The following ANXA8 variants were observed in gnomAD, a reference collection of about 807,000 sequenced individuals.
The protein encoded by ANXA8 is annexin A8, also known as VAC-beta.
In ANXA8, 9 loss-of-function variants were observed where a neutral mutation model predicts 26.8. The ratio of observed to expected loss-of-function variants is 0.34; its 90% CI spans 0.20 to 0.59. The LOEUF is 0.59. ANXA8 is among the 20% of genes least tolerant of loss of function. The pLI, the probability that ANXA8 is intolerant of heterozygous loss-of-function variation, is 0.84. For missense variants in ANXA8, 83 were observed against 238.5 expected (o/e 0.35, Z 4.29); for synonymous variants, 39 against 94.8 (o/e 0.41, Z 3.42).
the ANXA8 span, among the ~76,000 whole-genome samples, chr10:47,686,186 T>G: frequency 6.6e-6 from 1 of 151,348 alleles, no homozygotes; most frequent in African/African-American, 2.4e-5. Flanking sequence ...CTTCTAGAGA[T>G]GCTGTCCCTT....
At chr10:47,533,225 C>CACACACACACACA in the ANXA8 span, among the ~76,000 whole-genome samples, 28 of 98,586 alleles carry the variant, frequency 2.8e-4, no homozygotes, top group African/African-American at 9.6e-4. Flanking sequence ...ACACACACAC[C>CACACACACACACA]CCCGCAGACA....
At chr10:47,681,935 C>T in the ANXA8 span, among the ~76,000 whole-genome samples, 12 of 128,174 alleles carry the variant, frequency 9.4e-5, no homozygotes, top group African/African-American at 2.7e-4. Context: ...TTAGGCGTGA[C>T]ATTGGACAAA....
chr10:47,720,984 CAA>C, the ANXA8 span, among the ~76,000 whole-genome samples: 19 of 95,524 alleles, frequency 2.0e-4, no homozygotes, highest in Admixed American at 3.4e-4. Context: ...CCATCTCTAC[CAA>C]AAAAAAAAAA....
chr10:47,566,003 G>A, the ANXA8 span: 653 of 1,372,976 alleles, frequency 4.8e-4, 4 homozygotes, highest in Middle Eastern at 1.6e-3. Context: ...CAGCGTGGAG[G>A]TCATCGAGAT....
chr10:47,685,691 G>GA, the ANXA8 span, among the ~76,000 whole-genome samples: 5 of 151,292 alleles, frequency 3.3e-5, no homozygotes, highest in African/African-American at 1.2e-4. Flanking sequence ...GTGTGGAATG[G>GA]AAAGAGGTGG....
At chr10:47,493,517 T>A in the ANXA8 span, among the ~76,000 whole-genome samples, 1 of 148,732 alleles carries the variant, frequency 6.7e-6, no homozygotes, top group Non-Finnish European at 1.5e-5. Context: ...CCTGCTCCCC[T>A]GATAAATGTC....
chr10:47,665,399 GT>G, the ANXA8 span, among the ~76,000 whole-genome samples: 1 of 150,916 alleles, frequency 6.6e-6, no homozygotes, highest in Non-Finnish European at 1.5e-5. Flanking sequence ...ATTGTTCTTG[GT>G]GCTTAAACTT....
the ANXA8 span, among the ~76,000 whole-genome samples, chr10:47,593,200 G>A: frequency 6.8e-6 from 1 of 147,328 alleles, no homozygotes; most frequent in Admixed American, 6.7e-5. Context: ...TGGACTGGTG[G>A]GTCTCTGGAG....
the ANXA8 span, among the ~76,000 whole-genome samples, chr10:47,677,092 AAG>A: frequency 6.7e-6 from 1 of 148,688 alleles, no homozygotes; most frequent in South Asian, 2.1e-4. Context: ...ACATATCAAA[AAG>A]GGAAAGAATT....
chr10:47,729,317 A>G, the ANXA8 span, among the ~76,000 whole-genome samples: 964 of 117,654 alleles, frequency 8.2e-3, no homozygotes, highest in Middle Eastern at 0.055. Context: ...GAGAATTATC[A>G]TACCCCCCAA....
the ANXA8 span, chr10:47,696,362 G>A: frequency 3.1e-6 from 3 of 955,812 alleles, no homozygotes; most frequent in Non-Finnish European, 4.4e-6. Context: ...ACATTGTGAA[G>A]GAATTTATGG....
At chr10:47,901,393 A>C in the ANXA8 span, among the ~76,000 whole-genome samples, 2 of 64,358 alleles carry the variant, frequency 3.1e-5, 1 homozygote, top group African/African-American at 2.1e-4. Context: ...GTTGTTAAAA[A>C]AAACAGATTT....
the ANXA8 span, among the ~76,000 whole-genome samples, chr10:47,597,243 A>T: frequency 6.7e-6 from 1 of 149,430 alleles, no homozygotes; most frequent in East Asian, 1.9e-4. Context: ...TAGACTAGGC[A>T]TTCAAAGAAC....
chr10:47,579,987 C>T, the ANXA8 span, among the ~76,000 whole-genome samples: 1 of 149,132 alleles, frequency 6.7e-6, no homozygotes, highest in East Asian at 1.9e-4. Flanking sequence ...GGCTCTATCA[C>T]AGCTCACCGC....
the ANXA8 span, chr10:47,752,995 C>A: frequency 7.5e-6 from 1 of 133,474 alleles, no homozygotes; most frequent in Admixed American, 7.6e-5. Context: ...GTAATCCCAG[C>A]TACTTGGGAG....
At chr10:47,873,379 A>C in the ANXA8 span, among the ~76,000 whole-genome samples, 1 of 97,342 alleles carries the variant, frequency 1.0e-5, no homozygotes. Flanking sequence ...ATTGCTGTGG[A>C]CTCTGGTTTT....
At chr10:47,775,279 A>G in the ANXA8 span, among the ~76,000 whole-genome samples, 1 of 138,704 alleles carries the variant, frequency 7.2e-6, no homozygotes, top group African/African-American at 2.7e-5. Context: ...AGGCTGAGGC[A>G]GGAGAATCAC....
At chr10:47,582,390 T>C in the ANXA8 span, 10 of 147,656 alleles carry the variant, frequency 6.8e-5, no homozygotes, top group East Asian at 1.4e-3. Flanking sequence ...GCCATTTTAC[T>C]ACCCCCTGAG....
At chr10:47,944,279 C>T in the ANXA8 span, among the ~76,000 whole-genome samples, 11 of 147,664 alleles carry the variant, frequency 7.4e-5, no homozygotes, top group African/African-American at 2.6e-4. Context: ...ACCCAGCCTC[C>T]TAATAGCATC....
Sources: gnomAD v4.1 joint callset for allele counts (sites outside exome capture counted in the v4.1 genomes callset) on GRCh38, gnomAD v4.1.1 for gene constraint, MANE v1.5 for transcripts, NCBI Gene and HGNC (gene_info 2026-07-23, HGNC 2026-07-21) for gene names.